IRF8: variants seen among roughly 807,000 people sequenced by gnomAD.
IRF8 encodes the protein interferon regulatory factor 8.
A neutral mutation model predicts 48.7 loss-of-function variants in IRF8; 14 were observed. That is an observed-to-expected ratio of 0.29 (90% CI 0.19 to 0.45). The LOEUF (loss-of-function observed/expected upper bound fraction) is 0.45. Ranked by LOEUF, IRF8 falls within the 20% of genes least tolerant of loss-of-function variation. The pLI is 1.00. For missense variants in IRF8, 493 were observed against 580.7 expected, an observed-to-expected ratio of 0.85 and a Z score of 1.55; for synonymous variants, 278 against 227.3, an observed-to-expected ratio of 1.22 and a Z score of -2.01.
At chr16:85,918,860 G>A (rs1905428396) in intron 7 of IRF8, 57 bp downstream of exon 7, 1 of 1,595,154 alleles carries the variant, frequency 6.3e-7, no homozygotes, top group South Asian at 1.1e-5. Context: ...CCTCCTATCT[G>A]TGTGCCATTT....
Position 85,920,228 on chromosome 16 carries a change from A to G in IRF8, c.1104+4A>G, listed in dbSNP as rs781266366. 1.8e-6 allele frequency: 2 copies of G among 1,105,494 alleles called. No individual in the cohort carries two copies. Among genetic ancestry groups the G allele is most frequent in the Non-Finnish European group, 2.7e-6 (2 of 732,818 alleles). The allele number at this position is 1,105,494 out of a possible 1,614,324, so 68.5% of individuals were successfully genotyped here. Reference sequence around the variant, plus strand: ...CTCCAAACTCATTCTCGTGCAGGTAAGTATGGGCAGCTTTTTTTTTTTTTT... The same window carrying G: ...CTCCAAACTCATTCTCGTGCAGGTAGGTATGGGCAGCTTTTTTTTTTTTTT... On this transcript the variant is annotated splice_donor_region_variant and intron_variant, in intron 8 of 8. Coordinates refer to ENST00000268638, the MANE Select transcript of IRF8 (RefSeq NM_002163.4).
intron 1 of IRF8, 146 bp downstream of exon 1, chr16:85,899,369 T>C (rs1195864489): frequency 1.3e-5 from 2 of 152,222 alleles, no homozygotes; most frequent in East Asian, 1.9e-4. Context: ...CCTCTCTGCT[T>C]TTTGCCTATT....
At chr16:85,899,759 G>C (rs540237215) in intron 1 of IRF8, among the ~76,000 whole-genome samples, 1 of 152,254 alleles carries the variant, frequency 6.6e-6, no homozygotes, top group Non-Finnish European at 1.5e-5. Flanking sequence ...CAGCCCAGTC[G>C]TCCTTGGCAA....
Position 85,921,545 on chromosome 16 carries a change from T to C in IRF8, c.*263T>C. 2.0e-6 allele frequency: 1 copy of C among 489,032 alleles called. No individual in the cohort carries two copies. The highest frequency in any genetic ancestry group is 2.1e-5 in the South Asian group (1 of 47,042). 30.3% of individuals were successfully genotyped at this position (489,032 alleles called of 1,614,324 possible). A position where few individuals can be genotyped will look rare whatever the true frequency, so the allele number is the denominator to read the frequency against. On this transcript the variant is annotated 3_prime_UTR_variant, in exon 9 of 9. Transcript: ENST00000268638. ...TTTATTTTCTATCCTTTACCCGTCA[T>C]TATCATTAGTTGCTATGATTCTTTC...
At chr16:85,918,302 G>C in intron 6 of IRF8, 115 bp from the exon 7 acceptor site, 1 of 1,188,632 alleles carries the variant, frequency 8.4e-7, no homozygotes, top group Admixed American at 2.3e-5. Context: ...ATATCAAAGT[G>C]GTTCAAGACA....
intron 7 of IRF8, 32 bp from the exon 8 acceptor site, chr16:85,920,077 C>G (rs372443622): frequency 1.1e-4 from 174 of 1,550,208 alleles, no homozygotes; most frequent in Non-Finnish European, 1.4e-4. Context: ...CTCGGCCTTG[C>G]TTGCAAACAC....
At chr16:85,899,779 T>A (rs1240179674) in intron 1 of IRF8, among the ~76,000 whole-genome samples, 1 of 152,214 alleles carries the variant, frequency 6.6e-6, no homozygotes, top group Non-Finnish European at 1.5e-5. Flanking sequence ...AGAGAGTCTG[T>A]ATATGGGCCA....
At chr16:85,911,505 TG>T in intron 3 of IRF8, 64 bp from the exon 4 acceptor site, 1 of 1,306,552 alleles carries the variant, frequency 7.7e-7, no homozygotes, top group South Asian at 1.2e-5. Context: ...GAGTAGATTA[TG>T]GCTTCAGCAA....
chr16:85,913,304 G>A, intron 5 of IRF8, 68 bp downstream of exon 5: 1 of 1,075,952 alleles, frequency 9.3e-7, no homozygotes, highest in Non-Finnish European at 1.4e-6. Context: ...CCACCAGCCA[G>A]GGACGGAGTG....
At chr16:85,899,937 A>G (rs1904775541) in intron 1 of IRF8, among the ~76,000 whole-genome samples, 1 of 152,206 alleles carries the variant, frequency 6.6e-6, no homozygotes, top group African/African-American at 2.4e-5. Context: ...CTAGAGACTG[A>G]ATTTTCCAGA....
In IRF8 at chr16:85,922,570, T is replaced by A. The variant is rs982990896; in HGVS notation, c.*1288T>A. 7.2e-5 allele frequency: 11 copies of A among 152,272 alleles called. No homozygotes were observed. The highest frequency in any genetic ancestry group is 7.2e-4 in the Admixed American group (11 of 15,284). 9.4% of individuals were successfully genotyped at this position (152,272 alleles called of 1,614,324 possible). A position where few individuals can be genotyped will look rare whatever the true frequency, so the allele number is the denominator to read the frequency against. On this transcript the variant is annotated 3_prime_UTR_variant, in exon 9 of 9. Transcript: ENST00000268638. Reference sequence around the variant, plus strand: ...TCCATTAAAACAGTATATTGATCTCTTTTATTCTTTATTAAAATAAAATGC... The same window carrying A: ...TCCATTAAAACAGTATATTGATCTCATTTATTCTTTATTAAAATAAAATGC...
At position 85,912,692 on chromosome 16, in the gene IRF8, G is replaced by A. The variant is rs547987340; in HGVS notation, c.448-439G>A. On this transcript the variant is annotated intron_variant, in intron 4 of 8. Transcript: ENST00000268638. Reference sequence around the variant, plus strand: ...AAACATTTCATAATTGGATTTATCAGCCTCCTTTAAGGAATGGGCCAGAGA... The same window carrying A: ...AAACATTTCATAATTGGATTTATCAACCTCCTTTAAGGAATGGGCCAGAGA... Among the ~76,000 whole-genome samples the A allele has an allele frequency of 2.0e-5, 3 of 152,382 alleles. No individual in the cohort carries two copies. The South Asian group carries it at 6.2e-4, about 32-fold the overall frequency.
At chr16:85,906,581 C>T (rs1023974895) in intron 2 of IRF8, among the ~76,000 whole-genome samples, 6 of 152,194 alleles carry the variant, frequency 3.9e-5, no homozygotes, top group African/African-American at 7.2e-5. Context: ...TGGACTTGCT[C>T]GTGGGGTGAG....
chr16:85,904,045 C>T (rs11865854), intron 2 of IRF8, among the ~76,000 whole-genome samples: 4,111 of 152,250 alleles, frequency 0.027, 191 homozygotes, highest in African/African-American at 0.094. Context: ...GCTGGGCTAT[C>T]GAATCCCTTG....
At chr16:85,918,347 T>C (rs1443124898) in intron 6 of IRF8, 70 bp from the exon 7 acceptor site, 1 of 1,534,018 alleles carries the variant, frequency 6.5e-7, no homozygotes. Flanking sequence ...TGAGACAGAC[T>C]GTGCACTTGG....
At chr16:85,914,720 G>GCTCCGTTCCGAGGATGAGCAGGA in intron 6 of IRF8, among the ~76,000 whole-genome samples, 200 bp downstream of exon 6, 1 of 151,914 alleles carries the variant, frequency 6.6e-6, no homozygotes. Flanking sequence ...GGAAGTCTAG[G>GCTCCGTTCCGAGGATGAGCAGGA]CCTGGTTCTG....
rs571031053 is a variant in IRF8 at position 85,914,638 on chromosome 16, C to G, written c.601+118C>G. On this transcript the variant is annotated intron_variant, in intron 6 of 8. Coordinates refer to ENST00000268638, the MANE Select transcript of IRF8 (RefSeq NM_002163.4). ...CAGGACCTGGTGTGGAAGTCTAGGCCTGGTTCCAAGGATGAGCAGGACCTG... is the reference window on the plus strand; with the variant it reads ...CAGGACCTGGTGTGGAAGTCTAGGCGTGGTTCCAAGGATGAGCAGGACCTG... 1.4e-5 allele frequency: 17 copies of G among 1,187,414 alleles called. No homozygotes were observed. The African/African-American group carries it at 2.6e-4, about 18-fold the overall frequency. 73.6% of individuals were successfully genotyped at this position (1,187,414 alleles called of 1,614,324 possible).
At chr16:85,913,329 T>C (rs535541878) in intron 5 of IRF8, 93 bp downstream of exon 5, 1 of 890,308 alleles carries the variant, frequency 1.1e-6, no homozygotes, top group East Asian at 2.4e-5. Context: ...TGGTTGTTGC[T>C]ATCATGATCC....
intron 1 of IRF8, among the ~76,000 whole-genome samples, chr16:85,901,533 G>C (rs940528455): frequency 6.6e-6 from 1 of 152,080 alleles, no homozygotes; most frequent in Non-Finnish European, 1.5e-5. Context: ...CAGGAAGATC[G>C]CTTAAGCCCA....
Sources: gnomAD v4.1 joint callset for allele counts (sites outside exome capture counted in the v4.1 genomes callset) on GRCh38, gnomAD v4.1.1 for gene constraint, MANE v1.5 for transcripts, NCBI Gene and HGNC (gene_info 2026-07-23, HGNC 2026-07-21) for gene names.